OPHN1: variants seen among roughly 807,000 people sequenced by gnomAD.
The protein encoded by OPHN1 is oligophrenin-1.
In OPHN1, 11 loss-of-function variants were observed where a neutral mutation model predicts 60.7. The ratio of observed to expected loss-of-function variants is 0.18; its 90% CI spans 0.11 to 0.30. The LOEUF is 0.30. Ranked by LOEUF, OPHN1 falls within the 10% of genes least tolerant of loss-of-function variation. The pLI, the probability that OPHN1 is intolerant of heterozygous loss-of-function variation, is 1.00. For missense variants in OPHN1, 449 were observed against 611.0 expected (o/e 0.73, Z 2.80); for synonymous variants, 226 against 222.6 (o/e 1.02, Z -0.14).
rs1355695053 is a variant in OPHN1, at chrX:68,045,013, T to C, written c.*2159A>G. 1.8e-5 allele frequency: 2 copies of C among 111,803 alleles called. No homozygotes were observed. The highest frequency in any genetic ancestry group is 3.8e-5 in the Non-Finnish European group (2 of 53,166). 9.2% of individuals were successfully genotyped at this position (111,803 alleles called of 1,213,427 possible). On this transcript the variant is annotated 3_prime_UTR_variant, in exon 25 of 25. Coordinates refer to ENST00000355520, the MANE Select transcript of OPHN1 (RefSeq NM_002547.3). Reference sequence around the variant, plus strand: ...GACTGTGGCCCTATTAGCCATGCTTTCATGGCCAAAATCTGCACACCTGTC... The same window carrying C: ...GACTGTGGCCCTATTAGCCATGCTTCCATGGCCAAAATCTGCACACCTGTC...
chrX:68,348,836 G>A (rs2078391666), intron 2 of OPHN1, among the ~76,000 whole-genome samples: 1 of 111,631 alleles, frequency 9.0e-6, no homozygotes, highest in African/African-American at 3.3e-5. Context: ...TGAGAATGGA[G>A]GAGGAAATTC....
intron 5 of OPHN1, among the ~76,000 whole-genome samples, chrX:68,273,585 T>C (rs1358327132): frequency 8.9e-6 from 1 of 112,311 alleles, no homozygotes; most frequent in East Asian, 2.8e-4. Context: ...CAGTAGCTAC[T>C]AGACACAAGT....
intron 15 of OPHN1, among the ~76,000 whole-genome samples, chrX:68,174,936 T>C (rs1315974555): frequency 9.1e-6 from 1 of 109,889 alleles, no homozygotes; most frequent in African/African-American, 3.3e-5. Flanking sequence ...ATACAAAAAT[T>C]AGCTGGGCGT....
chrX:68,374,443 GGTTTTGTTTT>G (rs983217014), intron 2 of OPHN1, among the ~76,000 whole-genome samples: 1 of 110,390 alleles, frequency 9.1e-6, no homozygotes, highest in Non-Finnish European at 1.9e-5. Flanking sequence ...GAGGATTTGG[GGTTTTGTTTT>G]GTTTTGTTTT....
intron 2 of OPHN1, among the ~76,000 whole-genome samples, chrX:68,361,746 A>T (rs747865986): frequency 9.0e-6 from 1 of 111,495 alleles, no homozygotes; most frequent in South Asian, 3.8e-4. Flanking sequence ...CATCCCTTCA[A>T]CAACCAATTT....
At chrX:68,226,176 G>C (rs1437295864) in intron 6 of OPHN1, among the ~76,000 whole-genome samples, 1 of 111,545 alleles carries the variant, frequency 9.0e-6, no homozygotes, top group Non-Finnish European at 1.9e-5. Context: ...GAGAAGTTTA[G>C]AGAAAAAAGA....
intron 17 of OPHN1, among the ~76,000 whole-genome samples, 155 bp downstream of exon 17, chrX:68,113,026 C>G (rs970021887): frequency 8.9e-6 from 1 of 112,124 alleles, no homozygotes; most frequent in African/African-American, 3.2e-5. Flanking sequence ...AGACAGCAAG[C>G]AAGAATACTT....
At chrX:68,222,818 A>G (rs1176322725) in intron 6 of OPHN1, among the ~76,000 whole-genome samples, 5 of 62,402 alleles carry the variant, frequency 8.0e-5, no homozygotes, top group African/African-American at 3.0e-4. Flanking sequence ...CGGCAGATAT[A>G]CCTAATGCTA....
At chrX:68,117,021 T>C (rs756597373) in intron 16 of OPHN1, among the ~76,000 whole-genome samples, 119 of 111,746 alleles carry the variant, frequency 1.1e-3, no homozygotes, top group Non-Finnish European at 2.1e-3. Context: ...CTTTTTTATT[T>C]CAAAATACAA....
intron 2 of OPHN1, among the ~76,000 whole-genome samples, chrX:68,386,932 T>C (rs1041546479): frequency 9.0e-6 from 1 of 111,504 alleles, no homozygotes; most frequent in African/African-American, 3.3e-5. Flanking sequence ...CAACACCTTG[T>C]TGCCATCTAA....
At chrX:68,282,288 A>G (rs2078022990) in intron 4 of OPHN1, among the ~76,000 whole-genome samples, 1 of 112,109 alleles carries the variant, frequency 8.9e-6, no homozygotes, top group Non-Finnish European at 1.9e-5. Context: ...AAATACGCCA[A>G]TCTGAAATGG....
rs1469307741 is a variant in OPHN1, at chrX:68,043,655, G to A, written c.*3517C>T. 1 of 112,101 alleles carries A rather than the reference G, an allele frequency of 8.9e-6. No individual in the cohort carries two copies. Among genetic ancestry groups the A allele is most frequent in the African/African-American group, 3.2e-5 (1 of 30,862 alleles). 9.2% of individuals were successfully genotyped at this position (112,101 alleles called of 1,213,427 possible). On this transcript the variant is annotated 3_prime_UTR_variant, in exon 25 of 25. Coordinates refer to ENST00000355520, the MANE Select transcript of OPHN1 (RefSeq NM_002547.3). ...TAACCAATTACTTTAGAAATACTCT[G>A]CATGACACTATAATTGAAATTAGAT... is the stretch of plus-strand genomic sequence containing the variant.
intron 2 of OPHN1, among the ~76,000 whole-genome samples, chrX:68,428,172 T>C (rs1040591357): frequency 1.8e-5 from 2 of 111,856 alleles, no homozygotes; most frequent in Non-Finnish European, 3.8e-5. Context: ...CAGGTCTAGG[T>C]TCTAATTCAG....
chrX:68,153,106 G>A (rs762183696), intron 15 of OPHN1, among the ~76,000 whole-genome samples: 68 of 107,367 alleles, frequency 6.3e-4, no homozygotes, highest in African/African-American at 2.1e-3. Context: ...AGCTATTTGA[G>A]AGGCTGAGGC....
chrX:68,166,360 C>A (rs2077358312), intron 15 of OPHN1, among the ~76,000 whole-genome samples: 1 of 110,417 alleles, frequency 9.1e-6, no homozygotes, highest in African/African-American at 3.3e-5. Flanking sequence ...ATGGTGAAAC[C>A]CCATCTCTAA....
intron 15 of OPHN1, among the ~76,000 whole-genome samples, chrX:68,147,134 C>T (rs774834766): frequency 1.8e-5 from 2 of 111,578 alleles, no homozygotes; most frequent in Non-Finnish European, 3.8e-5. Context: ...TAAGCTACAA[C>T]GGTTTCAAGG....
intron 2 of OPHN1, among the ~76,000 whole-genome samples, chrX:68,428,863 T>C (rs759315474): frequency 4.8e-4 from 54 of 112,236 alleles, no homozygotes; most frequent in Non-Finnish European, 9.0e-4. Context: ...GTTTAAGTTA[T>C]AATCACCTTG....
At chrX:68,328,090 A>G (rs2078275209) in intron 2 of OPHN1, among the ~76,000 whole-genome samples, 1 of 100,121 alleles carries the variant, frequency 1.0e-5, no homozygotes, top group Admixed American at 1.1e-4. Flanking sequence ...CGGCCTCCCA[A>G]AGTGCTGGGA....
intron 19 of OPHN1, 65 bp downstream of exon 19, chrX:68,096,805 A>G (rs1602153189): frequency 1.8e-6 from 2 of 1,108,540 alleles, no homozygotes; most frequent in East Asian, 6.0e-5. Flanking sequence ...ACACAGCACT[A>G]AAAGGCAGTT....
Sources: allele counts gnomAD v4.1 joint callset (sites outside exome capture counted in the v4.1 genomes callset), GRCh38; gene constraint gnomAD v4.1.1; transcripts MANE v1.5; gene names NCBI Gene and HGNC (gene_info 2026-07-23, HGNC 2026-07-21).